CREB5: variants seen among roughly 807,000 people sequenced by gnomAD.
The protein encoded by CREB5 is cAMP responsive element binding protein 5, also known as cyclic AMP-responsive element-binding protein 5.
CREB5 carries 19 observed loss-of-function variants against 57.1 expected under a neutral mutation model. The observed-to-expected ratio is 0.33, with a 90% CI of 0.23 to 0.49. The LOEUF (loss-of-function observed/expected upper bound fraction) is 0.49, where lower values mean the gene tolerates loss of function less well. Among genes scored for constraint, CREB5 ranks in the 20% least tolerant of loss-of-function variants. The pLI is 0.99. For missense variants in CREB5, 579 were observed against 671.6 expected (o/e 0.86, Z 1.52); for synonymous variants, 238 against 238.3 (o/e 1.00, Z 0.01).
intron 1 of CREB5, among the ~76,000 whole-genome samples, chr7:28,356,511 C>A (rs1011821296): frequency 1.3e-5 from 2 of 152,184 alleles, no homozygotes; most frequent in Non-Finnish European, 2.9e-5. Context: ...CAGATATAAA[C>A]CCACGGGCAG....
At chr7:28,580,117 A>G (rs1214557129) in intron 5 of CREB5, among the ~76,000 whole-genome samples, 1 of 152,172 alleles carries the variant, frequency 6.6e-6, no homozygotes, top group South Asian at 2.1e-4. Context: ...GTCCTTCCAA[A>G]GCCCCATGTT....
Position 28,820,559 on chromosome 7 carries a change from CTT to C in CREB5, c.*1282_*1283del, listed in dbSNP as rs771448557. 1.3e-5 allele frequency: 2 copies of C among 152,438 alleles called. No homozygotes were observed. The highest frequency in any genetic ancestry group is 6.6e-5 in the Admixed American group (1 of 15,262). 9.4% of individuals were successfully genotyped at this position (152,438 alleles called of 1,614,324 possible). Reference sequence around the variant, plus strand: ...AGCCTTCCCACAACAGTTAAGCACTCTTTGACTGCTGAAGGAACCCCATGGAT... The same window carrying C: ...AGCCTTCCCACAACAGTTAAGCACTCTGACTGCTGAAGGAACCCCATGGAT... On this transcript the variant is annotated 3_prime_UTR_variant, in exon 11 of 11. Transcript: ENST00000357727.
At chr7:28,738,241 A>C (rs906454226) in intron 7 of CREB5, among the ~76,000 whole-genome samples, 1 of 152,206 alleles carries the variant, frequency 6.6e-6, no homozygotes, top group African/African-American at 2.4e-5. Flanking sequence ...GACATGAATC[A>C]TGCCATGCCA....
rs1465934141 is a variant in CREB5 at position 28,483,668 on chromosome 7, G to A, written c.4-4507G>A. ...AGAGTCTTTCAAATGTTGCTTCATG[G>A]GGGTCATACTCAGCCCACATGTGGT... On this transcript the variant is annotated intron_variant, in intron 1 of 10. Coordinates refer to ENST00000357727, the MANE Select transcript of CREB5 (RefSeq NM_182898.4). Among the ~76,000 whole-genome samples the A allele has an allele frequency of 2.6e-5, 4 of 152,274 alleles. No individual in the cohort carries two copies. In the East Asian group the frequency reaches 7.7e-4, roughly 29 times the overall value.
rs1799874277 is a variant in CREB5, at chr7:28,667,567, A to T, written c.465-51186A>T. Among the ~76,000 whole-genome samples the T allele has an allele frequency of 2.0e-5, 3 of 151,420 alleles. 1 individual carries two copies. In the South Asian group the frequency reaches 6.3e-4, roughly 32 times the overall value. On this transcript the variant is annotated intron_variant, in intron 5 of 10. Coordinates refer to ENST00000357727, the MANE Select transcript of CREB5 (RefSeq NM_182898.4). ...TCTTTGGGATGGGAATCATTCTCTA[A>T]GTAGATGATGTTTTAAAAAAATAAA...
intron 5 of CREB5, among the ~76,000 whole-genome samples, chr7:28,648,575 C>A (rs560030145): frequency 6.6e-6 from 1 of 151,938 alleles, no homozygotes; most frequent in African/African-American, 2.4e-5. Flanking sequence ...ATCTCCACTG[C>A]AAATAAAAAT....
intron 1 of CREB5, among the ~76,000 whole-genome samples, chr7:28,432,553 T>C (rs1382074377): frequency 6.6e-6 from 1 of 152,166 alleles, no homozygotes; most frequent in African/African-American, 2.4e-5. Context: ...ACACTCTCCA[T>C]CTATTTTTCC....
At chr7:28,379,547 G>T (rs766716311) in intron 1 of CREB5, among the ~76,000 whole-genome samples, 9 of 152,202 alleles carry the variant, frequency 5.9e-5, no homozygotes, top group Non-Finnish European at 1.2e-4. Flanking sequence ...TGTGGAGAAA[G>T]CCAAGGCTCT....
chr7:28,440,409 T>A (rs1214748688), intron 1 of CREB5, among the ~76,000 whole-genome samples: 2 of 152,178 alleles, frequency 1.3e-5, no homozygotes, highest in Admixed American at 6.5e-5. Flanking sequence ...TTTCCTTAAA[T>A]TAAGGGCTTC....
intron 1 of CREB5, among the ~76,000 whole-genome samples, chr7:28,334,070 T>TA (rs1308796693): frequency 1.3e-5 from 2 of 152,234 alleles, no homozygotes; most frequent in Non-Finnish European, 2.9e-5. Context: ...GGCTTTTTGA[T>TA]ATAAGCCATT....
chr7:28,813,334 G>A (rs1809239129), intron 9 of CREB5, among the ~76,000 whole-genome samples: 1 of 152,316 alleles, frequency 6.6e-6, no homozygotes, highest in Non-Finnish European at 1.5e-5. Flanking sequence ...TCAGTAGAAC[G>A]TCTGTGTTCA....
chr7:28,421,472 C>T (rs1032873220), intron 1 of CREB5, among the ~76,000 whole-genome samples: 3 of 151,950 alleles, frequency 2.0e-5, no homozygotes, highest in Non-Finnish European at 2.9e-5. Context: ...GGGATGCATC[C>T]ACTTTACTGT....
At chr7:28,334,374 C>A (rs191752931) in intron 1 of CREB5, among the ~76,000 whole-genome samples, 65 of 152,280 alleles carry the variant, frequency 4.3e-4, no homozygotes, top group African/African-American at 1.6e-3. Flanking sequence ...CCAGGCTGGT[C>A]TCCAATTCCT....
chr7:28,302,265 G>A (rs1015993524), intron 1 of CREB5, among the ~76,000 whole-genome samples: 4 of 152,082 alleles, frequency 2.6e-5, no homozygotes, highest in African/African-American at 9.7e-5. Context: ...TTTTTGGACT[G>A]ATTTTTGGTT....
chr7:28,348,943 G>T (rs1786131366), intron 1 of CREB5, among the ~76,000 whole-genome samples: 1 of 152,196 alleles, frequency 6.6e-6, no homozygotes, highest in South Asian at 2.1e-4. Context: ...CCTAGCTCTT[G>T]TTCTTATTTC....
At chr7:28,695,135 G>A (rs1801478909) in intron 5 of CREB5, among the ~76,000 whole-genome samples, 2 of 152,170 alleles carry the variant, frequency 1.3e-5, no homozygotes, top group Admixed American at 1.3e-4. Context: ...ACTGAAGCAG[G>A]AGGATCACTT....
Position 28,503,457 on chromosome 7 carries a change from ACCC to A in CREB5, c.170-4158_170-4156del, listed in dbSNP as rs1332011776. 3.3e-5 allele frequency among the ~76,000 whole-genome samples: 5 copies of A among 152,212 alleles called. No individual in the cohort carries two copies. The East Asian group carries it at 9.7e-4, about 29-fold the overall frequency. The stretch of plus-strand genomic sequence containing the variant: ...CATAAGATAACAGAAATATTAGACT[ACCC>A]ATCATCAGTGGGAATTGAGTTTGCC... On this transcript the variant is annotated intron_variant, in intron 3 of 10. Transcript: ENST00000357727.
intron 7 of CREB5, among the ~76,000 whole-genome samples, chr7:28,753,155 T>C (rs940193393): frequency 1.3e-5 from 2 of 152,100 alleles, no homozygotes; most frequent in Non-Finnish European, 2.9e-5. Context: ...TCAAAGATAT[T>C]TACTGCAGTG....
At chr7:28,658,716 AG>A (rs1799432438) in intron 5 of CREB5, among the ~76,000 whole-genome samples, 1 of 152,010 alleles carries the variant, frequency 6.6e-6, no homozygotes, top group Non-Finnish European at 1.5e-5. Flanking sequence ...GATCAAATCA[AG>A]GGGTGATGGG....
Sources: allele counts gnomAD v4.1 joint callset (sites outside exome capture counted in the v4.1 genomes callset), GRCh38; gene constraint gnomAD v4.1.1; transcripts MANE v1.5; gene names NCBI Gene and HGNC (gene_info 2026-07-23, HGNC 2026-07-21).